The following ARFIP1 variants were observed in gnomAD, a reference collection of about 807,000 sequenced individuals.
ARFIP1 encodes the protein arfaptin-1.
Under a neutral mutation model 42.5 loss-of-function variants are expected in ARFIP1, and 24 were observed. That is an observed-to-expected ratio of 0.57 (90% CI 0.41 to 0.80). The LOEUF (loss-of-function observed/expected upper bound fraction) is 0.80, where lower values mean the gene tolerates loss of function less well. Ranked by LOEUF, ARFIP1 falls within the 30% of genes least tolerant of loss-of-function variation. The pLI is 0.00. For missense variants in ARFIP1, 354 were observed against 434.0 expected, an observed-to-expected ratio of 0.82 and a Z score of 1.64; for synonymous variants, 141 against 153.7, an observed-to-expected ratio of 0.92 and a Z score of 0.61.
chr4:152,839,419 T>C (rs1731891194), intron 2 of ARFIP1, among the ~76,000 whole-genome samples: 1 of 152,222 alleles, frequency 6.6e-6, no homozygotes, highest in African/African-American at 2.4e-5. Context: ...CTGGACTTTT[T>C]TTGTTGGTAA....
chr4:152,789,481 G>A (rs960273117), intron 1 of ARFIP1, among the ~76,000 whole-genome samples: 2 of 152,156 alleles, frequency 1.3e-5, no homozygotes, highest in African/African-American at 2.4e-5. Context: ...CCACTGTAAA[G>A]TTACTCTGTT....
intron 2 of ARFIP1, among the ~76,000 whole-genome samples, chr4:152,859,772 AT>A (rs1733732404): frequency 6.6e-6 from 1 of 150,758 alleles, no homozygotes; most frequent in Non-Finnish European, 1.5e-5. Flanking sequence ...CAGAAACTCT[AT>A]TTCTACTAAA....
chr4:152,794,603 T>C (rs547907817), intron 1 of ARFIP1, among the ~76,000 whole-genome samples: 2 of 151,238 alleles, frequency 1.3e-5, no homozygotes, highest in African/African-American at 4.8e-5. Context: ...ACGTGGAGAC[T>C]GTGTAAATCC....
intron 6 of ARFIP1, among the ~76,000 whole-genome samples, chr4:152,881,657 C>G (rs1007258772): frequency 1.3e-5 from 2 of 152,070 alleles, no homozygotes; most frequent in African/African-American, 4.8e-5. Flanking sequence ...GATTGGTAAT[C>G]TTTTTATGTG....
chr4:152,844,082 C>T (rs1460271390), intron 2 of ARFIP1, among the ~76,000 whole-genome samples: 1 of 152,194 alleles, frequency 6.6e-6, no homozygotes, highest in African/African-American at 2.4e-5. Context: ...CAGCGAGCTC[C>T]CAGGGCCTTT....
chr4:152,848,975 C>A (rs1375259452), intron 2 of ARFIP1, among the ~76,000 whole-genome samples: 2 of 152,092 alleles, frequency 1.3e-5, no homozygotes, highest in Admixed American at 6.6e-5. Context: ...CCAGTTTTGA[C>A]CAAATATGTA....
chr4:152,873,968 TA>T (rs1735110870), intron 5 of ARFIP1, among the ~76,000 whole-genome samples: 1 of 152,212 alleles, frequency 6.6e-6, no homozygotes, highest in African/African-American at 2.4e-5. Flanking sequence ...CATACTTCTG[TA>T]ACTTTGTTCA....
intron 8 of ARFIP1, among the ~76,000 whole-genome samples, chr4:152,889,733 A>T (rs1436758621): frequency 3.5e-5 from 4 of 113,256 alleles, no homozygotes; most frequent in African/African-American, 1.1e-4. Flanking sequence ...TACTATATAT[A>T]CTATACTATA....
intron 2 of ARFIP1, among the ~76,000 whole-genome samples, chr4:152,839,308 G>A (rs992591751): frequency 6.6e-6 from 1 of 152,112 alleles, no homozygotes; most frequent in Non-Finnish European, 1.5e-5. Flanking sequence ...ATGAATTAGG[G>A]AGGGTTCCTT....
rs532488631 is a variant in ARFIP1 at position 152,863,512 on chromosome 4, C to A, written c.94-94C>A. ...ACCGCATAGCAGAGAGAAAAATAAT[C>A]TAAGATTTGATTAAAAGGATACAAT... On this transcript the variant is annotated intron_variant, in intron 2 of 8. Coordinates refer to ENST00000353617, the MANE Select transcript of ARFIP1 (RefSeq NM_001025595.3). 5 of 702,400 alleles carry A rather than the reference C, an allele frequency of 7.1e-6. No homozygotes were observed. In the African/African-American group the frequency reaches 9.1e-5, roughly 13 times the overall value. The allele number at this position is 702,400 out of a possible 1,614,324, so 43.5% of individuals were successfully genotyped here. A position where few individuals can be genotyped will look rare whatever the true frequency, so the allele number is the denominator to read the frequency against.
At chr4:152,785,128 GA>G (rs1399909754) in intron 1 of ARFIP1, among the ~76,000 whole-genome samples, 1 of 152,152 alleles carries the variant, frequency 6.6e-6, no homozygotes, top group Non-Finnish European at 1.5e-5. Context: ...TGGAGTGGGG[GA>G]ATGGGTCACA....
chr4:152,858,726 A>G (rs1012125329), intron 2 of ARFIP1, among the ~76,000 whole-genome samples: 2 of 152,178 alleles, frequency 1.3e-5, no homozygotes, highest in Non-Finnish European at 2.9e-5. Context: ...ATAGGCAACA[A>G]CCCTGCTGTC....
chr4:152,876,820 C>T (rs1018769482), intron 5 of ARFIP1, among the ~76,000 whole-genome samples: 8 of 152,190 alleles, frequency 5.3e-5, no homozygotes, highest in Admixed American at 1.3e-4. Context: ...CCTAGCCGCT[C>T]CAGCCATGGC....
chr4:152,886,037 C>T (rs921496907), intron 7 of ARFIP1, among the ~76,000 whole-genome samples: 1 of 152,020 alleles, frequency 6.6e-6, no homozygotes, highest in African/African-American at 2.4e-5. Context: ...CAGCTTGGCT[C>T]CTGAACCCAT....
At chr4:152,877,948 T>G (rs1447788804) in intron 5 of ARFIP1, among the ~76,000 whole-genome samples, 1 of 152,230 alleles carries the variant, frequency 6.6e-6, no homozygotes, top group Non-Finnish European at 1.5e-5. Flanking sequence ...AAACATATTT[T>G]TATTCCCAGT....
At chr4:152,843,591 G>A (rs1043457667) in intron 2 of ARFIP1, among the ~76,000 whole-genome samples, 1 of 152,170 alleles carries the variant, frequency 6.6e-6, no homozygotes, top group African/African-American at 2.4e-5. Flanking sequence ...GAGTCTTGCT[G>A]CAGCTGCTCT....
At chr4:152,833,600 A>G (rs915789189) in intron 2 of ARFIP1, among the ~76,000 whole-genome samples, 2 of 152,250 alleles carry the variant, frequency 1.3e-5, no homozygotes, top group African/African-American at 4.8e-5. Context: ...TAGCCAAAAT[A>G]TGGAAATAAC....
intron 2 of ARFIP1, among the ~76,000 whole-genome samples, chr4:152,861,241 C>G (rs911842793): frequency 6.6e-6 from 1 of 152,144 alleles, no homozygotes; most frequent in Non-Finnish European, 1.5e-5. Flanking sequence ...AAAGATGATG[C>G]AAAGTAGAGA....
At chr4:152,815,775 C>T (rs1055785804) in intron 1 of ARFIP1, among the ~76,000 whole-genome samples, 64 of 131,694 alleles carry the variant, frequency 4.9e-4, no homozygotes, top group Non-Finnish European at 8.0e-4. Flanking sequence ...GACGGAGTCT[C>T]GCTCTGTCGC....
Sources: gnomAD v4.1 joint callset for allele counts (sites outside exome capture counted in the v4.1 genomes callset) on GRCh38, gnomAD v4.1.1 for gene constraint, MANE v1.5 for transcripts, NCBI Gene and HGNC (gene_info 2026-07-23, HGNC 2026-07-21) for gene names.